Variants in TTC23 observed in about 807,000 individuals in gnomAD.
The protein encoded by TTC23 is tetratricopeptide repeat protein 23.
In TTC23, 58 loss-of-function variants were observed where a neutral mutation model predicts 55.1. The observed-to-expected ratio is 1.05, with a 90% CI of 0.85 to 1.31. The LOEUF is 1.31. Among genes scored for constraint, TTC23 ranks in the 50% most tolerant of loss-of-function variants. The probability of loss-of-function intolerance (pLI) is 0.00; values close to 1 mark genes in which losing one functional copy is unlikely to be tolerated. For synonymous variants in TTC23, 203 were observed against 199.9 expected, an observed-to-expected ratio of 1.02 and a Z score of -0.13; for missense variants, 516 against 534.4, an observed-to-expected ratio of 0.97 and a Z score of 0.34.
chr15:99,239,573 C>T (rs1007390289), intron 3 of TTC23, among the ~76,000 whole-genome samples: 1 of 152,110 alleles, frequency 6.6e-6, no homozygotes, highest in African/African-American at 2.4e-5. Flanking sequence ...AACAGGAAAG[C>T]TTTGCCTACA....
At chr15:99,244,833 C>G (rs150385349) in intron 2 of TTC23, among the ~76,000 whole-genome samples, 10 of 152,004 alleles carry the variant, frequency 6.6e-5, no homozygotes, top group Non-Finnish European at 1.5e-4. Flanking sequence ...ATAAAACAAT[C>G]TTAAAAAAGA....
chr15:99,152,852 C>A (rs1251678552), intron 12 of TTC23, among the ~76,000 whole-genome samples: 1 of 152,186 alleles, frequency 6.6e-6, no homozygotes, highest in Non-Finnish European at 1.5e-5. Flanking sequence ...GGGTGGAGTG[C>A]AGTGGCATGA....
chr15:99,218,263 G>A (rs1277736672), intron 8 of TTC23, among the ~76,000 whole-genome samples: 1 of 152,156 alleles, frequency 6.6e-6, no homozygotes, highest in East Asian at 1.9e-4. Context: ...GACTGGAGCA[G>A]GGCAGGGAAA....
intron 12 of TTC23, among the ~76,000 whole-genome samples, chr15:99,152,632 A>G (rs2069961243): frequency 1.3e-5 from 2 of 152,132 alleles, no homozygotes; most frequent in Non-Finnish European, 2.9e-5. Context: ...TCAGCCTCCA[A>G]AGTGCTGGGA....
intron 4 of TTC23, among the ~76,000 whole-genome samples, chr15:99,231,585 C>T (rs868325008): frequency 8.6e-5 from 13 of 152,040 alleles, no homozygotes; most frequent in African/African-American, 2.9e-4. Context: ...CTCCGCCTCC[C>T]GGGTTCACAC....
chr15:99,177,048 C>T (rs938129949), intron 9 of TTC23, among the ~76,000 whole-genome samples: 1 of 152,182 alleles, frequency 6.6e-6, no homozygotes, highest in African/African-American at 2.4e-5. Flanking sequence ...TAGTCTGGAC[C>T]ATGCAGTACT....
chr15:99,147,256 C>G (rs1381925633), intron 12 of TTC23, among the ~76,000 whole-genome samples: 1 of 137,676 alleles, frequency 7.3e-6, no homozygotes, highest in Non-Finnish European at 1.5e-5. Context: ...GACAGAGTCT[C>G]GCTCTGTCAC....
At position 99,137,850 on chromosome 15, in the gene TTC23, C is replaced by T. The variant is rs1374963063; in HGVS notation, c.*160G>A. 8.6e-6 allele frequency: 10 copies of T among 1,169,350 alleles called. No individual in the cohort carries two copies. The highest frequency in any genetic ancestry group is 2.5e-5 in the East Asian group (1 of 39,886). The allele number at this position is 1,169,350 out of a possible 1,614,324, so 72.4% of individuals were successfully genotyped here. On this transcript the variant is annotated 3_prime_UTR_variant, in exon 14 of 14. Transcript: ENST00000394132. The stretch of plus-strand genomic sequence containing the variant: ...GCATCCACTGTCAAAATGTGGCCCA[C>T]GGGAGGCTTATGGTCTCACTGTTGC...
At chr15:99,181,639 G>A (rs770682294) in intron 9 of TTC23, among the ~76,000 whole-genome samples, 2 of 152,146 alleles carry the variant, frequency 1.3e-5, no homozygotes, top group Admixed American at 6.5e-5. Context: ...ACACCCTTAC[G>A]TAAGACAGGG....
At chr15:99,228,241 A>C (rs1352304472) in intron 5 of TTC23, among the ~76,000 whole-genome samples, 1 of 152,258 alleles carries the variant, frequency 6.6e-6, no homozygotes, top group East Asian at 1.9e-4. Context: ...ATAAGGAATT[A>C]CAAGCTCTAT....
At chr15:99,186,048 C>T (rs1293389966) in intron 9 of TTC23, among the ~76,000 whole-genome samples, 1 of 152,140 alleles carries the variant, frequency 6.6e-6, no homozygotes, top group East Asian at 1.9e-4. Context: ...TACACGGGTC[C>T]CCTTTGAGGG....
At chr15:99,221,523 C>CA (rs1173475538) in intron 6 of TTC23, among the ~76,000 whole-genome samples, 1 of 152,054 alleles carries the variant, frequency 6.6e-6, no homozygotes, top group African/African-American at 2.4e-5. Flanking sequence ...AAAACAAAAA[C>CA]AAAAAAACCA....
At chr15:99,245,224 T>C (rs1275701968) in intron 2 of TTC23, among the ~76,000 whole-genome samples, 165 bp downstream of exon 2, 2 of 152,152 alleles carry the variant, frequency 1.3e-5, no homozygotes, top group Admixed American at 6.5e-5. Flanking sequence ...AGAAATGACA[T>C]ATAGAGGCCG....
At chr15:99,181,474 T>C (rs1039354879) in intron 9 of TTC23, among the ~76,000 whole-genome samples, 1 of 152,226 alleles carries the variant, frequency 6.6e-6, no homozygotes, top group South Asian at 2.1e-4. Flanking sequence ...TCTGCTTTGT[T>C]TCAAGTTTGT....
chr15:99,183,504 T>G (rs1330260557), intron 9 of TTC23, among the ~76,000 whole-genome samples: 21 of 147,080 alleles, frequency 1.4e-4, no homozygotes, highest in East Asian at 5.9e-4. Context: ...TGTATTTTTT[T>G]TTTTTTTTTT....
At chr15:99,214,423 C>T (rs1469778026) in intron 8 of TTC23, among the ~76,000 whole-genome samples, 3 of 147,390 alleles carry the variant, frequency 2.0e-5, no homozygotes, top group East Asian at 2.0e-4. Flanking sequence ...AGGAGAATGG[C>T]GTGAACCCGG....
At chr15:99,141,389 AG>A (rs1555490336) in intron 12 of TTC23, among the ~76,000 whole-genome samples, 1 of 152,172 alleles carries the variant, frequency 6.6e-6, no homozygotes, top group Admixed American at 6.6e-5. Context: ...TAGTAAAATA[AG>A]AAGAGCATGG....
intron 9 of TTC23, among the ~76,000 whole-genome samples, chr15:99,196,681 C>G (rs192651679): frequency 1.1e-3 from 161 of 152,256 alleles, no homozygotes; most frequent in Admixed American, 2.1e-3. Flanking sequence ...TGTCTCACCC[C>G]CAACCGGAAC....
chr15:99,186,482 G>T (rs539933944), intron 9 of TTC23, among the ~76,000 whole-genome samples: 3 of 152,220 alleles, frequency 2.0e-5, no homozygotes, highest in Non-Finnish European at 1.5e-5. Context: ...ATAAAAATGA[G>T]TGAATTCCAC....
Sources: allele counts gnomAD v4.1 joint callset (sites outside exome capture counted in the v4.1 genomes callset), GRCh38; gene constraint gnomAD v4.1.1; transcripts MANE v1.5; gene names NCBI Gene and HGNC (gene_info 2026-07-23, HGNC 2026-07-21).